The following UGT2A1 variants were observed in gnomAD, a reference collection of about 807,000 sequenced individuals.
The protein encoded by UGT2A1 is UDP-glucuronosyltransferase 2A1.
A neutral mutation model predicts 45.4 loss-of-function variants in UGT2A1; 61 were observed. The observed-to-expected ratio is 1.34, with a 90% CI of 1.09 to 1.66. UGT2A1 has a LOEUF of 1.66. Among genes scored for constraint, UGT2A1 ranks in the 40% most tolerant of loss-of-function variants. UGT2A1 has a pLI of 0.00. For synonymous variants in UGT2A1, 229 were observed against 196.2 expected, an observed-to-expected ratio of 1.17 and a Z score of -1.40; for missense variants, 649 against 574.3, an observed-to-expected ratio of 1.13 and a Z score of -1.33.
At chr4:69,638,223 A>G (rs1721827867) in intron 2 of UGT2A1, among the ~76,000 whole-genome samples, 1 of 152,164 alleles carries the variant, frequency 6.6e-6, no homozygotes, top group Non-Finnish European at 1.5e-5. Context: ...TCAAGAGAGA[A>G]GGAAATAAAA....
At chr4:69,611,547 T>G (rs534705082) in intron 3 of UGT2A1, among the ~76,000 whole-genome samples, 2 of 151,744 alleles carry the variant, frequency 1.3e-5, no homozygotes, top group South Asian at 4.1e-4. Flanking sequence ...TAGCTCAGAG[T>G]TTTTTTCTCC....
chr4:69,608,230 C>T (rs183624881), intron 3 of UGT2A1, among the ~76,000 whole-genome samples: 6 of 152,230 alleles, frequency 3.9e-5, no homozygotes, highest in Non-Finnish European at 7.4e-5. Context: ...CCATGGAATA[C>T]TATGCAGCCA....
At chr4:69,647,782 A>G in intron 1 of UGT2A1, 84 bp from the exon 2 acceptor site, 1 of 589,170 alleles carries the variant, frequency 1.7e-6, no homozygotes. Context: ...TCTTTCTAGA[A>G]AGTGATACTA....
intron 3 of UGT2A1, among the ~76,000 whole-genome samples, chr4:69,620,765 A>G (rs1441755791): frequency 6.6e-6 from 1 of 152,114 alleles, no homozygotes; most frequent in East Asian, 1.9e-4. Context: ...CAGTAACCAA[A>G]ACAGTATGGC....
At chr4:69,605,809 A>T (rs1719573715) in intron 3 of UGT2A1, among the ~76,000 whole-genome samples, 1 of 137,288 alleles carries the variant, frequency 7.3e-6, no homozygotes, top group African/African-American at 2.9e-5. Context: ...ACACAAATAA[A>T]CTAGAAAATC....
intron 1 of UGT2A1, among the ~76,000 whole-genome samples, chr4:69,650,858 C>T (rs1244524279): frequency 7.9e-5 from 12 of 151,866 alleles, no homozygotes; most frequent in Non-Finnish European, 1.6e-4. Context: ...GGGGGATTAA[C>T]GGTAGGGTGG....
intron 3 of UGT2A1, among the ~76,000 whole-genome samples, chr4:69,607,682 C>T (rs895528803): frequency 3.7e-4 from 56 of 152,154 alleles, no homozygotes; most frequent in Non-Finnish European, 7.8e-4. Context: ...TGACAAAGGG[C>T]TAATATCCAG....
At chr4:69,633,770 A>C (rs140758081) in intron 3 of UGT2A1, among the ~76,000 whole-genome samples, 2 of 152,284 alleles carry the variant, frequency 1.3e-5, no homozygotes, top group East Asian at 3.9e-4. Flanking sequence ...TCAGAAGCCA[A>C]GAAAGTGTTT....
intron 2 of UGT2A1, among the ~76,000 whole-genome samples, chr4:69,645,029 C>A (rs138333449): frequency 2.0e-5 from 3 of 151,694 alleles, no homozygotes; most frequent in African/African-American, 7.2e-5. Flanking sequence ...CAGTGCACTT[C>A]GTCATCTTTA....
chr4:69,592,703 TAA>T (rs1445354493), intron 6 of UGT2A1, among the ~76,000 whole-genome samples: 1 of 151,722 alleles, frequency 6.6e-6, no homozygotes, highest in African/African-American at 2.4e-5. Flanking sequence ...AGACAGGAAA[TAA>T]GAGAGGAAAA....
intron 6 of UGT2A1, among the ~76,000 whole-genome samples, chr4:69,594,118 G>A (rs931649373): frequency 1.3e-5 from 2 of 151,700 alleles, no homozygotes; most frequent in African/African-American, 4.8e-5. Flanking sequence ...GGGACTACAG[G>A]CGCCCACTAT....
chr4:69,633,661 A>G (rs1255579129), intron 3 of UGT2A1, among the ~76,000 whole-genome samples: 2 of 152,230 alleles, frequency 1.3e-5, no homozygotes, highest in Admixed American at 1.3e-4. Context: ...ACGAATTTCA[A>G]AAACATAATA....
chr4:69,645,196 A>G (rs1722200783), intron 2 of UGT2A1, among the ~76,000 whole-genome samples: 1 of 151,768 alleles, frequency 6.6e-6, no homozygotes, highest in Non-Finnish European at 1.5e-5. Context: ...GTCAATGTTA[A>G]TAACCCATGA....
intron 2 of UGT2A1, among the ~76,000 whole-genome samples, chr4:69,640,018 A>G (rs775921207): frequency 1.3e-5 from 2 of 152,038 alleles, no homozygotes; most frequent in Non-Finnish European, 2.9e-5. Flanking sequence ...AGGGTAAAAT[A>G]CTATGCATTT....
At chr4:69,618,267 T>C (rs1452630886) in intron 3 of UGT2A1, among the ~76,000 whole-genome samples, 2 of 148,598 alleles carry the variant, frequency 1.3e-5, no homozygotes, top group East Asian at 4.0e-4. Context: ...GAAGAATGTA[T>C]TACATTTGGT....
chr4:69,593,508 T>C (rs895687875), intron 6 of UGT2A1, among the ~76,000 whole-genome samples: 2 of 151,098 alleles, frequency 1.3e-5, no homozygotes, highest in South Asian at 4.2e-4. Context: ...GAGAAAAAAA[T>C]AAGACACAAT....
rs1022070237 is a variant in UGT2A1, at chr4:69,602,950, C to T, written c.848-3556G>A. On this transcript the variant is annotated intron_variant, in intron 3 of 6. Coordinates refer to ENST00000286604, the MANE Select transcript of UGT2A1 (RefSeq NM_001252275.3). ...GGGCGTGGTGGCAGGTGCCTGTAAT[C>T]CCAGATACTCTAGAGGCTGAGGCAG... is the stretch of plus-strand genomic sequence containing the variant. Among the ~76,000 whole-genome samples, 8 of 135,200 alleles carry T rather than the reference C, an allele frequency of 5.9e-5. 1 individual carries two copies. The highest frequency in any genetic ancestry group is 1.3e-4 in the Non-Finnish European group (8 of 63,888). The allele number at this position is 135,200 out of a possible 152,430, so 88.7% of individuals were successfully genotyped here.
intron 3 of UGT2A1, among the ~76,000 whole-genome samples, chr4:69,619,396 T>A (rs950069832): frequency 6.7e-6 from 1 of 150,060 alleles, no homozygotes; most frequent in Non-Finnish European, 1.5e-5. Context: ...CAAAATCTTG[T>A]CTTAATGCAT....
rs528149193 is a variant in UGT2A1, at chr4:69,606,004, G to A, written c.848-6610C>T. Reference sequence around the variant, plus strand: ...AATTCTACCAGAAGTACAAGGAGGAGCTGGTACCATTCCTTCTGAAACTAT... The same window carrying A: ...AATTCTACCAGAAGTACAAGGAGGAACTGGTACCATTCCTTCTGAAACTAT... On this transcript the variant is annotated intron_variant, in intron 3 of 6. Transcript: ENST00000286604. 2.9e-5 allele frequency among the ~76,000 whole-genome samples: 4 copies of A among 136,578 alleles called. No individual in the cohort carries two copies. In the East Asian group the frequency reaches 8.2e-4, roughly 28 times the overall value. 89.6% of individuals were successfully genotyped at this position (136,578 alleles called of 152,430 possible).
Sources: allele counts gnomAD v4.1 joint callset (sites outside exome capture counted in the v4.1 genomes callset), GRCh38; gene constraint gnomAD v4.1.1; transcripts MANE v1.5; gene names NCBI Gene and HGNC (gene_info 2026-07-23, HGNC 2026-07-21).